Variants in C12orf42 observed in about 807,000 individuals in gnomAD.
C12orf42 encodes chromosome 12 open reading frame 42.
A neutral mutation model predicts 21.6 loss-of-function variants in C12orf42; 25 were observed. The ratio of observed to expected loss-of-function variants is 1.16; its 90% confidence interval spans 0.84 to 1.62. C12orf42 has a LOEUF of 1.62. Ranked by LOEUF, C12orf42 falls within the 40% of genes most tolerant of loss-of-function variation. The pLI, the probability that C12orf42 is intolerant of heterozygous loss-of-function variation, is 0.00. For missense variants in C12orf42, 483 were observed against 459.3 expected (o/e 1.05, Z -0.47); for synonymous variants, 174 against 175.0 (o/e 0.99, Z 0.05).
At chr12:103,265,002 T>C (rs1441886168), downstream of C12orf42, among the ~76,000 whole-genome samples, 1 of 152,156 alleles carries the variant, frequency 6.6e-6, no homozygotes, top group Non-Finnish European at 1.5e-5. Context: ...CTCACAGTTC[T>C]GGAGGATGAA....
At chr12:103,052,093 A>G in the C12orf42 span, among the ~76,000 whole-genome samples, 1 of 152,058 alleles carries the variant, frequency 6.6e-6, no homozygotes, top group Non-Finnish European at 1.5e-5. Context: ...CAGTTTCTTT[A>G]TTTTACTATT....
At chr12:103,130,908 A>G in the C12orf42 span, among the ~76,000 whole-genome samples, 3 of 152,222 alleles carry the variant, frequency 2.0e-5, no homozygotes, top group Non-Finnish European at 4.4e-5. Context: ...CAACTAGTCA[A>G]TGGTGTACCC....
chr12:103,338,800 G>A (rs2041936472), intron 4 of C12orf42, among the ~76,000 whole-genome samples: 1 of 152,102 alleles, frequency 6.6e-6, no homozygotes, highest in African/African-American at 2.4e-5. Flanking sequence ...AGAAAGGGGT[G>A]GGATGTAGTC....
At position 103,302,331 on chromosome 12, in the gene C12orf42, T is replaced by C. The variant is rs574438414; in HGVS notation, c.860A>G (p.Lys287Arg). 2 of 1,613,928 alleles carry C rather than the reference T, an allele frequency of 1.2e-6. No homozygotes were observed. The highest frequency in any genetic ancestry group is 1.1e-5 in the South Asian group (1 of 91,082). Reference sequence around the variant, plus strand: ...CCTGTCCCGCGGGGTATGAGGATGCTTGGGGAGCATCTCCGGCGCCATGGC... The same window carrying C: ...CCTGTCCCGCGGGGTATGAGGATGCCTGGGGAGCATCTCCGGCGCCATGGC... The part of the protein sequence containing the change: ...AVAMAPEMLP[K>R]HPHTPRDRRP... Residue 287 changes from lysine (K) to arginine (R), a missense_variant, in exon 6 of 6, where the codon AAG becomes AGG. By Grantham distance (26) the Lys-to-Arg change is conservative (BLOSUM62 2). Coordinates refer to ENST00000548883, the MANE Select transcript of C12orf42 (RefSeq NM_198521.5).
At chr12:103,290,261 G>A (rs1184914763) in intron 4 of C12orf42, among the ~76,000 whole-genome samples, 1 of 152,144 alleles carries the variant, frequency 6.6e-6, no homozygotes, top group East Asian at 1.9e-4. Flanking sequence ...AGAGAAAAGG[G>A]AAACTTTAGC....
intron 2 of C12orf42, among the ~76,000 whole-genome samples, chr12:103,451,080 G>A (rs1951907589): frequency 6.6e-6 from 1 of 151,998 alleles, no homozygotes. Flanking sequence ...GACTGCTGTA[G>A]GACACCGCAA....
intron 3 of C12orf42, among the ~76,000 whole-genome samples, chr12:103,376,911 C>G (rs183065298): frequency 1.6e-4 from 25 of 152,062 alleles, no homozygotes; most frequent in Middle Eastern, 3.4e-3. Context: ...CTCTCTCGCT[C>G]TCTTGCTCTC....
intron 2 of C12orf42, among the ~76,000 whole-genome samples, chr12:103,471,263 A>G (rs2061402793): frequency 6.6e-6 from 1 of 152,180 alleles, no homozygotes; most frequent in Non-Finnish European, 1.5e-5. Context: ...GAGACTTGAA[A>G]GTCACCTAGA....
At chr12:103,144,646 G>C in the C12orf42 span, among the ~76,000 whole-genome samples, 1 of 152,158 alleles carries the variant, frequency 6.6e-6, no homozygotes, top group Non-Finnish European at 1.5e-5. Context: ...CCTTGTAAAT[G>C]ATGCTAAAAA....
chr12:103,563,093 T>C, the C12orf42 span, among the ~76,000 whole-genome samples: 1 of 152,224 alleles, frequency 6.6e-6, no homozygotes. Flanking sequence ...TGGCTTCTAG[T>C]GTACCAAGTT....
At chr12:103,225,445 T>G in the C12orf42 span, among the ~76,000 whole-genome samples, 1 of 151,618 alleles carries the variant, frequency 6.6e-6, no homozygotes, top group Non-Finnish European at 1.5e-5. Context: ...AGGGTAAGGG[T>G]GATTAGGTTT....
intron 3 of C12orf42, among the ~76,000 whole-genome samples, chr12:103,395,752 T>G (rs1415567015): frequency 6.6e-6 from 1 of 152,028 alleles, no homozygotes; most frequent in Non-Finnish European, 1.5e-5. Context: ...CTTTTATGTT[T>G]AAATTCAATG....
intron 4 of C12orf42, among the ~76,000 whole-genome samples, chr12:103,323,482 C>CAA (rs151119096): frequency 2.0e-5 from 3 of 151,296 alleles, no homozygotes; most frequent in Admixed American, 2.0e-4. Flanking sequence ...TCAATTCATC[C>CAA]AAAAAAAATA....
chr12:103,175,564 C>T, the C12orf42 span, among the ~76,000 whole-genome samples: 2 of 151,972 alleles, frequency 1.3e-5, no homozygotes, highest in Admixed American at 6.6e-5. Context: ...AAAAGAGTGG[C>T]GTGAAGTTCA....
chr12:103,084,609 T>G, the C12orf42 span, among the ~76,000 whole-genome samples: 5 of 152,230 alleles, frequency 3.3e-5, no homozygotes. Context: ...ATTTGATTAG[T>G]GCATGATGAA....
At chr12:103,317,949 T>C (rs2039681456) in intron 4 of C12orf42, among the ~76,000 whole-genome samples, 1 of 152,236 alleles carries the variant, frequency 6.6e-6, no homozygotes, top group Non-Finnish European at 1.5e-5. Flanking sequence ...AATGTATTTG[T>C]CCATTCTCTT....
chr12:103,217,071 G>A, the C12orf42 span, among the ~76,000 whole-genome samples: 4 of 151,904 alleles, frequency 2.6e-5, no homozygotes, highest in Admixed American at 2.6e-4. Flanking sequence ...TCAAATTGCT[G>A]ACCTCAAGTG....
intron 3 of C12orf42, among the ~76,000 whole-genome samples, chr12:103,392,642 G>A (rs1312193604): frequency 6.6e-6 from 1 of 152,142 alleles, no homozygotes; most frequent in Non-Finnish European, 1.5e-5. Flanking sequence ...TATTGCTAGT[G>A]CATAGACACA....
rs539517317 is a variant in C12orf42 at position 103,365,228 on chromosome 12, T to G, written c.259+3659A>C. On this transcript the variant is annotated intron_variant, in intron 4 of 5. Coordinates refer to ENST00000548883, the MANE Select transcript of C12orf42 (RefSeq NM_198521.5). ...AACAGAATTAAAAACAAAAATCACA[T>G]GATAAACTCAGTAGATGCAGAAAAA... Among the ~76,000 whole-genome samples, 20 of 152,122 alleles carry G rather than the reference T, an allele frequency of 1.3e-4. No homozygotes were observed. The South Asian group carries it at 4.2e-3, about 32-fold the overall frequency.
Sources: allele counts gnomAD v4.1 joint callset (sites outside exome capture counted in the v4.1 genomes callset), GRCh38; gene constraint gnomAD v4.1.1; transcripts MANE v1.5; gene names NCBI Gene and HGNC (gene_info 2026-07-23, HGNC 2026-07-21).